Variants in SOS2 observed in about 807,000 individuals in gnomAD.
SOS2 encodes SOS Ras/Rho guanine nucleotide exchange factor 2.
SOS2 carries 65 observed loss-of-function variants against 148.2 expected under a neutral mutation model. The ratio of observed to expected loss-of-function variants is 0.44; its 90% CI spans 0.36 to 0.54. SOS2 has a LOEUF of 0.54. Ranked by LOEUF, SOS2 falls within the 20% of genes least tolerant of loss-of-function variation. SOS2 has a pLI of 0.00. For synonymous variants in SOS2, 539 were observed against 537.1 expected, an observed-to-expected ratio of 1.00 and a Z score of -0.05; for missense variants, 1,341 against 1,590.2, an observed-to-expected ratio of 0.84 and a Z score of 2.67.
At chr14:50,184,864 CAAAAAAAAAAA>C (rs34039045) in intron 5 of SOS2, among the ~76,000 whole-genome samples, 13 of 57,130 alleles carry the variant, frequency 2.3e-4, no homozygotes, top group African/African-American at 7.8e-4. Flanking sequence ...ACCCTGTCTC[CAAAAAAAAAAA>C]AAAAAAAAAA....
At chr14:50,133,252 T>TTTTTTTTTTTTTTTTTTTTC (rs1566820402) in intron 19 of SOS2, among the ~76,000 whole-genome samples, 2 of 137,382 alleles carry the variant, frequency 1.5e-5, no homozygotes, top group African/African-American at 5.3e-5. Context: ...CTTTTTTCTT[T>TTTTTTTTTTTTTTTTTTTTC]TTTTTTTTTT....
At chr14:50,158,247 T>C (rs1213340462) in intron 11 of SOS2, among the ~76,000 whole-genome samples, 1 of 151,706 alleles carries the variant, frequency 6.6e-6, no homozygotes, top group East Asian at 1.9e-4. Context: ...AAAAAAATAG[T>C]GGTAAGTAGA....
intron 1 of SOS2, among the ~76,000 whole-genome samples, chr14:50,210,693 A>C (rs972663358): frequency 1.3e-5 from 2 of 152,008 alleles, no homozygotes; most frequent in African/African-American, 4.8e-5. Context: ...CAGTAAGAAA[A>C]AAAATGATAA....
intron 6 of SOS2, among the ~76,000 whole-genome samples, chr14:50,182,235 C>G (rs1164644712): frequency 6.6e-6 from 1 of 152,026 alleles, no homozygotes; most frequent in Non-Finnish European, 1.5e-5. Flanking sequence ...GGGTCTCACT[C>G]TGTCGCCCAG....
At chr14:50,190,498 T>G (rs114630289) in intron 4 of SOS2, among the ~76,000 whole-genome samples, 2,011 of 152,268 alleles carry the variant, frequency 0.013, 40 homozygotes, top group African/African-American at 0.044. Flanking sequence ...TCTGGTCAGC[T>G]CTCTCCATCT....
At chr14:50,119,245 G>C (rs1199578331) in intron 22 of SOS2, among the ~76,000 whole-genome samples, 3 of 152,182 alleles carry the variant, frequency 2.0e-5, no homozygotes, top group African/African-American at 4.8e-5. Context: ...GTGAGGCTTA[G>C]AGCAGTAGAT....
At chr14:50,201,650 G>A (rs1018320409) in intron 2 of SOS2, among the ~76,000 whole-genome samples, 4 of 151,438 alleles carry the variant, frequency 2.6e-5, no homozygotes, top group Non-Finnish European at 4.4e-5. Flanking sequence ...AAGATGAACC[G>A]GAAAAAGGAA....
intron 14 of SOS2, among the ~76,000 whole-genome samples, chr14:50,147,017 G>T (rs1476663871): frequency 6.7e-6 from 1 of 150,324 alleles, no homozygotes; most frequent in Non-Finnish European, 1.5e-5. Flanking sequence ...CAATCATAAT[G>T]AGATCCTATC....
At chr14:50,132,516 C>T (rs1296012281) in intron 19 of SOS2, among the ~76,000 whole-genome samples, 2 of 151,788 alleles carry the variant, frequency 1.3e-5, no homozygotes, top group African/African-American at 2.4e-5. Flanking sequence ...CAAAAATTAG[C>T]CGGGCGTAGT....
At chr14:50,122,224 G>A (rs557858743) in intron 21 of SOS2, among the ~76,000 whole-genome samples, 20 of 152,130 alleles carry the variant, frequency 1.3e-4, no homozygotes, top group East Asian at 1.9e-4. Context: ...TTTTGGAAAC[G>A]CATTCTGTCA....
At chr14:50,155,661 C>T (rs1453914583) in intron 12 of SOS2, among the ~76,000 whole-genome samples, 1 of 151,970 alleles carries the variant, frequency 6.6e-6, no homozygotes, top group Non-Finnish European at 1.5e-5. Context: ...CAGTAAAGTC[C>T]CCAAGAAAGC....
intron 1 of SOS2, chr14:50,230,885 G>C (rs1887518724): frequency 9.5e-7 from 1 of 1,048,324 alleles, no homozygotes. Context: ...ATACCAGCGG[G>C]ACTTTCTCTT....
chr14:50,218,013 A>G (rs1474634471), intron 1 of SOS2, among the ~76,000 whole-genome samples: 1 of 150,616 alleles, frequency 6.6e-6, no homozygotes, highest in African/African-American at 2.4e-5. Flanking sequence ...AAAAGATAGT[A>G]TAGGCCAGGT....
intron 1 of SOS2, among the ~76,000 whole-genome samples, chr14:50,217,381 T>C (rs1887066446): frequency 6.6e-6 from 1 of 152,074 alleles, no homozygotes; most frequent in Non-Finnish European, 1.5e-5. Flanking sequence ...GTCATAGATA[T>C]AAATATAAAA....
At chr14:50,187,442 G>C (rs1885953396) in intron 5 of SOS2, among the ~76,000 whole-genome samples, 1 of 149,704 alleles carries the variant, frequency 6.7e-6, no homozygotes, top group East Asian at 2.0e-4. Flanking sequence ...CTGCCTCCCA[G>C]GTTCACGCCA....
chr14:50,174,195 T>C (rs1436500435), intron 8 of SOS2, among the ~76,000 whole-genome samples: 1 of 152,046 alleles, frequency 6.6e-6, no homozygotes, highest in Non-Finnish European at 1.5e-5. Flanking sequence ...AAGTTATATA[T>C]ATATTTTTAA....
At chr14:50,195,497 A>T (rs1886285284) in intron 4 of SOS2, among the ~76,000 whole-genome samples, 1 of 152,210 alleles carries the variant, frequency 6.6e-6, no homozygotes, top group South Asian at 2.1e-4. Context: ...TGCAGTGGCC[A>T]ACACCTGTAA....
Position 50,130,481 on chromosome 14 carries a change from G to A in SOS2, c.3337+20C>T, listed in dbSNP as rs759267073. ...ACACAGGATTCCTTTTTTACCAAGCGGTTTACATCAAATACTTACCACAGG... is the reference window on the plus strand; with the variant it reads ...ACACAGGATTCCTTTTTTACCAAGCAGTTTACATCAAATACTTACCACAGG... On this transcript the variant is annotated intron_variant, in intron 20 of 22. Coordinates refer to ENST00000216373, the MANE Select transcript of SOS2 (RefSeq NM_006939.4). 70 of 1,595,188 alleles carry A rather than the reference G, an allele frequency of 4.4e-5. No homozygotes were observed. Among genetic ancestry groups the A allele is most frequent in the African/African-American group, 1.8e-4 (13 of 73,966 alleles).
rs574604732 is a variant in SOS2 at position 50,227,045 on chromosome 14, T to C, written c.87+4152A>G. Among the ~76,000 whole-genome samples the C allele has an allele frequency of 3.9e-5, 6 of 152,296 alleles. No individual in the cohort carries two copies. The East Asian group carries it at 5.8e-4, about 15-fold the overall frequency. On this transcript the variant is annotated intron_variant, in intron 1 of 22. Transcript: ENST00000216373. Reference sequence around the variant, plus strand: ...GGGAAGATACATAATTTAGCAGTAATGTTAACAATCCATGCATTATCCATT... The same window carrying C: ...GGGAAGATACATAATTTAGCAGTAACGTTAACAATCCATGCATTATCCATT...
Sources: gnomAD v4.1 joint callset for allele counts (sites outside exome capture counted in the v4.1 genomes callset) on GRCh38, gnomAD v4.1.1 for gene constraint, MANE v1.5 for transcripts, NCBI Gene and HGNC (gene_info 2026-07-23, HGNC 2026-07-21) for gene names.